Variants in RNF20 observed in about 807,000 individuals in gnomAD.
The protein encoded by RNF20 is ring finger protein 20.
Under a neutral mutation model 126.2 loss-of-function variants are expected in RNF20, and 84 were observed. The observed-to-expected ratio is 0.67, with a 90% confidence interval of 0.56 to 0.80. The LOEUF is 0.80. Among genes scored for constraint, RNF20 ranks in the 30% least tolerant of loss-of-function variants. The probability of loss-of-function intolerance (pLI) is 0.00; values close to 1 mark genes in which losing one functional copy is unlikely to be tolerated. For missense variants in RNF20, 869 were observed against 1,188.2 expected (o/e 0.73, Z 3.95); for synonymous variants, 400 against 414.3 (o/e 0.97, Z 0.42).
At chr9:101,552,102 A>C in intron 11 of RNF20, 39 bp from the exon 12 acceptor site, 1 of 1,613,750 alleles carries the variant, frequency 6.2e-7, no homozygotes, top group Non-Finnish European at 8.5e-7. Flanking sequence ...CTTTGCCCTT[A>C]CCACGGTTCC....
chr9:101,559,132 C>T (rs1827585846), intron 16 of RNF20, among the ~76,000 whole-genome samples: 1 of 152,106 alleles, frequency 6.6e-6, no homozygotes, highest in African/African-American at 2.4e-5. Flanking sequence ...TGCCAATTAT[C>T]CTACCACCAT....
At chr9:101,557,887 G>A (rs1827561578) in intron 16 of RNF20, among the ~76,000 whole-genome samples, 1 of 151,936 alleles carries the variant, frequency 6.6e-6, no homozygotes, top group African/African-American at 2.4e-5. Context: ...ATGTTTACTT[G>A]TGTTCCTGTG....
intron 15 of RNF20, 89 bp downstream of exon 15, chr9:101,554,932 G>A: frequency 2.8e-6 from 3 of 1,084,542 alleles, no homozygotes; most frequent in Non-Finnish European, 3.7e-6. Context: ...TTTTTATTTT[G>A]GTCTTTTTTT....
Position 101,554,791 on chromosome 9 carries a change from C to A in RNF20, c.2117C>A (p.Ala706Glu), listed in dbSNP as rs1055312796. ...ADEDALRKIR[A>E]VEEQIEYLQK... is the part of the protein sequence containing the mutation. Reference sequence around the variant, plus strand: ...GAGGATGCCTTGAGGAAGATCCGGGCAGTGGAGGAGCAGATAGAATACCTA... The same window carrying A: ...GAGGATGCCTTGAGGAAGATCCGGGAAGTGGAGGAGCAGATAGAATACCTA... The change falls in exon 15 of 20, where the codon GCA (alanine) becomes GAA (glutamate). Residue 706 changes from alanine to glutamate, a missense_variant. By Grantham distance (107) the Ala-to-Glu change is moderately radical. Around this residue, in one of 8 missense-constraint regions of RNF20, gnomAD observed 231 missense variants for 263.6 expected, o/e 0.88. Transcript: ENST00000389120. The A allele has an allele frequency of 6.4e-7, 1 of 1,569,888 alleles. No homozygotes were observed. Among genetic ancestry groups the A allele is most frequent in the Non-Finnish European group, 8.7e-7 (1 of 1,153,292 alleles).
intron 4 of RNF20, 66 bp downstream of exon 4, chr9:101,540,703 G>C: frequency 6.3e-7 from 1 of 1,593,104 alleles, no homozygotes; most frequent in South Asian, 1.1e-5. Context: ...GCTCTGCTTT[G>C]AGGCTTTCCA....
intron 6 of RNF20, 29 bp from the exon 7 acceptor site, chr9:101,546,791 G>A (rs781034667): frequency 1.2e-6 from 2 of 1,612,438 alleles, no homozygotes; most frequent in Non-Finnish European, 1.7e-6. Context: ...TTTGCTATAT[G>A]TTTCTGAATG....
At chr9:101,544,921 T>G (rs1352260327) in intron 6 of RNF20, 36 bp downstream of exon 6, 1 of 1,298,276 alleles carries the variant, frequency 7.7e-7, no homozygotes. Flanking sequence ...CTGTGTCTAG[T>G]GGGCTGTGGC....
At position 101,535,487 on chromosome 9, in the gene RNF20, A is replaced by G. The variant is rs1413261367; in HGVS notation, c.64A>G (p.Lys22Glu). 6.2e-7 allele frequency: 1 copy of G among 1,612,962 alleles called. No homozygotes were observed. The highest frequency in any genetic ancestry group is 1.7e-5 in the Admixed American group (1 of 60,024). Residue 22 changes from lysine to glutamate, a missense_variant, in exon 2 of 20, where the codon AAG becomes GAG. Coordinates refer to ENST00000389120, the MANE Select transcript of RNF20 (RefSeq NM_019592.7). ...EPGTSMPPEK[K>E]AAVEDSGTTV... Reference sequence around the variant, plus strand: ...TGGCACCTCCATGCCTCCTGAGAAGAAGGCAGCTGTTGAAGATTCAGGGAC... The same window carrying G: ...TGGCACCTCCATGCCTCCTGAGAAGGAGGCAGCTGTTGAAGATTCAGGGAC...
chr9:101,542,775 A>G (rs977445458), intron 5 of RNF20, among the ~76,000 whole-genome samples: 1 of 152,226 alleles, frequency 6.6e-6, no homozygotes, highest in African/African-American at 2.4e-5. Context: ...AGTATATCAA[A>G]CGACTTTAAA....
Position 101,561,925 on chromosome 9 carries a change from C to T in RNF20, c.2665C>T (p.Leu889Phe). 3 of 1,612,456 alleles carry T rather than the reference C, an allele frequency of 1.9e-6. No homozygotes were observed. Among genetic ancestry groups the T allele is most frequent in the Admixed American group, 1.7e-5 (1 of 60,010 alleles). Residue 889 changes from leucine (L) to phenylalanine (F), a missense_variant, in exon 19 of 20, where the codon CTT (leucine) becomes TTT (phenylalanine). Coordinates refer to ENST00000389120, the MANE Select transcript of RNF20 (RefSeq NM_019592.7). ...CCTGCCACAGGAGGACATCTCTAGA[C>T]TTCGCAGGAAGCTGGAGACCACAAA... Reference protein sequence around the residue: ...FKRAQEDISRLRRKLETTKKP... With the variant: ...FKRAQEDISRFRRKLETTKKP...
At chr9:101,545,017 A>G (rs1407692703) in intron 6 of RNF20, 132 bp downstream of exon 6, 11 of 666,260 alleles carry the variant, frequency 1.7e-5, no homozygotes, top group Middle Eastern at 2.7e-4. Context: ...GTAAAACACA[A>G]CACAACTCCA....
chr9:101,557,583 C>T lies in RNF20; in HGVS notation c.2369C>T (p.Thr790Ile), dbSNP rs982419202. ...GAGGAGCTGGCAGACCAGGTGTTGA[C>T]TCTGAAGACTCAGGTAATTAGGATG... ...EKEELADQVL[T>I]LKTQVDAQLQ... The change falls in exon 16 of 20, where the codon ACT (threonine) becomes ATT (isoleucine). Residue 790 changes from threonine (T) to isoleucine (I), a missense_variant. Physicochemically the swap from Thr to Ile is moderately conservative, Grantham distance 89 (BLOSUM62 -1). Around this residue, in one of 8 missense-constraint regions of RNF20, gnomAD observed 150 missense variants for 173.7 expected, o/e 0.86. Coordinates refer to ENST00000389120, the MANE Select transcript of RNF20 (RefSeq NM_019592.7). 3 of 1,612,900 alleles carry T rather than the reference C, an allele frequency of 1.9e-6. No individual in the cohort carries two copies. Among genetic ancestry groups the T allele is most frequent in the Non-Finnish European group, 2.5e-6 (3 of 1,179,004 alleles).
At chr9:101,548,359 A>G (rs1827387049) in intron 9 of RNF20, among the ~76,000 whole-genome samples, 1 of 152,202 alleles carries the variant, frequency 6.6e-6, no homozygotes, top group Non-Finnish European at 1.5e-5. Context: ...GAAAAGGTAC[A>G]AAGTTTTAGT....
chr9:101,543,502 A>C (rs1281989731), intron 5 of RNF20, among the ~76,000 whole-genome samples: 1 of 122,148 alleles, frequency 8.2e-6, no homozygotes, highest in Non-Finnish European at 1.8e-5. Flanking sequence ...GGCACTGTCT[A>C]ACCCTGCCAC....
chr9:101,554,626 C>T (rs1827502601), intron 14 of RNF20, 68 bp from the exon 15 acceptor site: 9 of 1,343,938 alleles, frequency 6.7e-6, no homozygotes, highest in Admixed American at 4.0e-5. Flanking sequence ...TATCTTTGCA[C>T]AGTATTAATT....
intron 9 of RNF20, among the ~76,000 whole-genome samples, chr9:101,548,479 C>G (rs772247096): frequency 3.3e-5 from 5 of 151,888 alleles, no homozygotes; most frequent in Admixed American, 6.6e-5. Flanking sequence ...TTGCCACACA[C>G]GAAAAGATAA....
chr9:101,540,466 A>T (rs1427566491), intron 3 of RNF20, 24 bp from the exon 4 acceptor site: 2 of 1,611,668 alleles, frequency 1.2e-6, no homozygotes, highest in Non-Finnish European at 8.5e-7. Context: ...TTGTTTCTTC[A>T]TAATTGTACC....
At chr9:101,546,711 G>A (rs539927817) in intron 6 of RNF20, 109 bp from the exon 7 acceptor site, 310 of 1,054,666 alleles carry the variant, frequency 2.9e-4, no homozygotes, top group Non-Finnish European at 3.9e-4. Context: ...AGAGGGTGAA[G>A]CATCTTCTAT....
Position 101,552,616 on chromosome 9 carries a change from G to A in RNF20, c.1764G>A (p.Lys588=). 4 of 1,547,742 alleles carry A rather than the reference G, an allele frequency of 2.6e-6. No individual in the cohort carries two copies. The highest frequency in any genetic ancestry group is 2.7e-5 in the African/African-American group (2 of 73,554). The stretch of plus-strand genomic sequence containing the variant: ...GAGAAAGAGAACGGGAGAAGGAGAA[G>A]GAGAGAGAACGAGAGAAGCAGAAGC... ...REREREREKE[K]EREREKQKLK... is the part of the protein sequence containing the mutation. Residue 588 remains lysine, a synonymous_variant, in exon 13 of 20, where the codon AAG becomes AAA. Coordinates refer to ENST00000389120, the MANE Select transcript of RNF20 (RefSeq NM_019592.7).
Sources: gnomAD v4.1 joint callset for allele counts (sites outside exome capture counted in the v4.1 genomes callset) on GRCh38, gnomAD v4.1.1 for gene constraint, gnomAD v4.1.1 regional missense constraint, MANE v1.5 for transcripts, NCBI Gene and HGNC (gene_info 2026-07-23, HGNC 2026-07-21) for gene names.